The following ASPH variants were observed in gnomAD, a reference collection of about 807,000 sequenced individuals.
The protein encoded by ASPH is aspartate beta-hydroxylase.
Under a neutral mutation model 118.4 loss-of-function variants are expected in ASPH, and 100 were observed. That is an observed-to-expected ratio of 0.84 (90% CI 0.72 to 1.00). The LOEUF is 1.00. Among genes scored for constraint, ASPH ranks in the 50% least tolerant of loss-of-function variants. The probability of loss-of-function intolerance (pLI) is 0.00; values close to 1 mark genes in which losing one functional copy is unlikely to be tolerated. For missense variants in ASPH, 920 were observed against 919.5 expected, an observed-to-expected ratio of 1.00 and a Z score of -0.01; for synonymous variants, 315 against 325.6, an observed-to-expected ratio of 0.97 and a Z score of 0.35.
At chr8:61,556,752 A>G (rs1202277602) in intron 18 of ASPH, among the ~76,000 whole-genome samples, 1 of 152,238 alleles carries the variant, frequency 6.6e-6, no homozygotes, top group Non-Finnish European at 1.5e-5. Flanking sequence ...AAACTAATTT[A>G]TGGAACAAAA....
chr8:61,665,842 T>C (rs1416883893), intron 3 of ASPH, among the ~76,000 whole-genome samples: 1 of 152,174 alleles, frequency 6.6e-6, no homozygotes, highest in Admixed American at 6.5e-5. Flanking sequence ...TCTTGAAATA[T>C]AGTATGACTT....
At chr8:61,549,021 T>C (rs1319524439) in intron 20 of ASPH, among the ~76,000 whole-genome samples, 2 of 152,188 alleles carry the variant, frequency 1.3e-5, no homozygotes, top group African/African-American at 2.4e-5. Flanking sequence ...GCATGTTCCA[T>C]TGTCTTTTGA....
At chr8:61,710,488 T>C (rs1212593103) in intron 1 of ASPH, among the ~76,000 whole-genome samples, 1 of 152,230 alleles carries the variant, frequency 6.6e-6, no homozygotes, top group Non-Finnish European at 1.5e-5. Context: ...AAGACTAAAA[T>C]ATAGTCCAAA....
At chr8:61,554,823 G>A (rs1176852977) in intron 19 of ASPH, among the ~76,000 whole-genome samples, 1 of 152,080 alleles carries the variant, frequency 6.6e-6, no homozygotes, top group Non-Finnish European at 1.5e-5. Flanking sequence ...ATGCAGCCTC[G>A]ACCTCCTGGG....
intron 1 of ASPH, among the ~76,000 whole-genome samples, chr8:61,699,573 A>C (rs1834757998): frequency 6.6e-6 from 1 of 152,158 alleles, no homozygotes; most frequent in Non-Finnish European, 1.5e-5. Flanking sequence ...TTTAAATTAA[A>C]TCACCAGACA....
intron 22 of ASPH, among the ~76,000 whole-genome samples, chr8:61,518,830 C>A (rs1325827436): frequency 6.6e-6 from 1 of 152,130 alleles, no homozygotes; most frequent in Non-Finnish European, 1.5e-5. Flanking sequence ...TTCTTGGCAG[C>A]GTGTCCATCA....
intron 14 of ASPH, among the ~76,000 whole-genome samples, chr8:61,614,352 C>A (rs1848375264): frequency 6.6e-6 from 1 of 152,114 alleles, no homozygotes; most frequent in Admixed American, 6.6e-5. Flanking sequence ...AACACATTTC[C>A]TTTGCTCTTC....
At chr8:61,651,175 G>T in intron 4 of ASPH, 51 bp from the exon 5 acceptor site, 2 of 1,459,568 alleles carry the variant, frequency 1.4e-6, no homozygotes, top group South Asian at 1.1e-5. Context: ...ACATCAACAT[G>T]GACCCCTAAC....
At chr8:61,666,923 A>G (rs1477771972) in intron 3 of ASPH, among the ~76,000 whole-genome samples, 1 of 152,192 alleles carries the variant, frequency 6.6e-6, no homozygotes. Flanking sequence ...TTCAGTCTTT[A>G]ATGTTTAATT....
At chr8:61,621,361 TACAC>T (rs1431367132) in intron 13 of ASPH, among the ~76,000 whole-genome samples, 9 of 144,126 alleles carry the variant, frequency 6.2e-5, no homozygotes, top group Admixed American at 5.5e-4. Flanking sequence ...GAAAAGAAAA[TACAC>T]AGAGAATACG....
At chr8:61,546,173 A>G (rs952859855) in intron 21 of ASPH, among the ~76,000 whole-genome samples, 3 of 152,218 alleles carry the variant, frequency 2.0e-5, no homozygotes, top group African/African-American at 7.2e-5. Context: ...GTCAGCCAGC[A>G]CAAGGACAAA....
At chr8:61,566,168 A>C (rs1831609066) in intron 17 of ASPH, among the ~76,000 whole-genome samples, 1 of 152,204 alleles carries the variant, frequency 6.6e-6, no homozygotes, top group South Asian at 2.1e-4. Flanking sequence ...TTATTTAATA[A>C]ATACATTTTA....
At position 61,652,493 on chromosome 8, in the gene ASPH, G is replaced by A. The variant is rs554225108; in HGVS notation, c.415+1075C>T. On this transcript the variant is annotated intron_variant, in intron 4 of 24. Coordinates refer to ENST00000379454, the MANE Select transcript of ASPH (RefSeq NM_004318.4). Reference sequence around the variant, plus strand: ...AAATACTCCTTCTCTCCTCTGGAGGGGATTGGAAGATGCAGAAGCTGGAGT... The same window carrying A: ...AAATACTCCTTCTCTCCTCTGGAGGAGATTGGAAGATGCAGAAGCTGGAGT... 2.0e-3 allele frequency among the ~76,000 whole-genome samples: 310 copies of A among 152,202 alleles called. 4 individuals are homozygous for A. Among genetic ancestry groups the A allele is most frequent in the African/African-American group, 6.7e-3 (279 of 41,510 alleles).
At chr8:61,700,872 A>G (rs1042895881) in intron 1 of ASPH, among the ~76,000 whole-genome samples, 4 of 152,212 alleles carry the variant, frequency 2.6e-5, no homozygotes, top group African/African-American at 9.6e-5. Flanking sequence ...CTCCTAAATA[A>G]TTCGGCATGA....
chr8:61,705,983 T>C (rs1031458515), intron 1 of ASPH, among the ~76,000 whole-genome samples: 2 of 152,236 alleles, frequency 1.3e-5, no homozygotes, highest in Non-Finnish European at 2.9e-5. Context: ...TCAATTTGGA[T>C]ACATATTTTT....
intron 13 of ASPH, among the ~76,000 whole-genome samples, chr8:61,627,648 G>T (rs1430903849): frequency 6.6e-6 from 1 of 152,112 alleles, no homozygotes; most frequent in Non-Finnish European, 1.5e-5. Flanking sequence ...TTGAGAGGAA[G>T]ATACATTTCA....
At chr8:61,643,519 A>T (rs1299968369) in intron 8 of ASPH, 86 bp from the exon 9 acceptor site, 20 of 1,326,280 alleles carry the variant, frequency 1.5e-5, no homozygotes, top group Non-Finnish European at 2.1e-5. Context: ...TAAATTAATT[A>T]TCTTCACAAC....
chr8:61,607,139 T>C (rs1845827105), intron 14 of ASPH: 7 of 611,514 alleles, frequency 1.1e-5, no homozygotes, highest in Non-Finnish European at 1.7e-5. Flanking sequence ...CCACAGAGCA[T>C]AGCACACAAA....
At chr8:61,639,007 T>C (rs964327503) in intron 10 of ASPH, among the ~76,000 whole-genome samples, 1 of 152,214 alleles carries the variant, frequency 6.6e-6, no homozygotes, top group Non-Finnish European at 1.5e-5. Context: ...GTTTATTCTT[T>C]CTTATTCATT....
Sources: allele counts gnomAD v4.1 joint callset (sites outside exome capture counted in the v4.1 genomes callset), GRCh38; gene constraint gnomAD v4.1.1; transcripts MANE v1.5; gene names NCBI Gene and HGNC (gene_info 2026-07-23, HGNC 2026-07-21).